TSNARE1: variants seen among roughly 807,000 people sequenced by gnomAD.
TSNARE1 encodes t-SNARE domain containing 1.
In TSNARE1, 49 loss-of-function variants were observed where a neutral mutation model predicts 62.0. The observed-to-expected ratio is 0.79, with a 90% CI of 0.63 to 1.00. The LOEUF (loss-of-function observed/expected upper bound fraction) is 1.00, where lower values mean the gene tolerates loss of function less well. Ranked by LOEUF, TSNARE1 falls within the 50% of genes least tolerant of loss-of-function variation. The pLI is 0.00. For synonymous variants in TSNARE1, 328 were observed against 294.4 expected (o/e 1.11, Z -1.17); for missense variants, 755 against 700.1 (o/e 1.08, Z -0.88).
At chr8:142,392,375 T>C (rs1837594907) in intron 1 of TSNARE1, among the ~76,000 whole-genome samples, 1 of 152,180 alleles carries the variant, frequency 6.6e-6, no homozygotes, top group East Asian at 1.9e-4. Flanking sequence ...ATAAAAAGTA[T>C]AGTATACACA....
At position 142,272,474 on chromosome 8, in the gene TSNARE1, G is replaced by A. The variant is rs963305256; in HGVS notation, c.1446+2307C>T. 7 of 109,986 alleles carry A rather than the reference G, an allele frequency of 6.4e-5. No homozygotes were observed. In the African/African-American group the frequency reaches 7.7e-4, roughly 12 times the overall value. The allele number at this position is 109,986 out of a possible 1,614,324, so 6.8% of individuals were successfully genotyped here. ...CCTCCTTCCATCCACCCATCCAACT[G>A]CCCGTCTACACCTTCCTTCTTCCAT... On this transcript the variant is annotated intron_variant, in intron 12 of 13. Transcript: ENST00000524325.
intron 1 of TSNARE1, among the ~76,000 whole-genome samples, chr8:142,354,998 C>G (rs536424820): frequency 3.9e-5 from 6 of 152,136 alleles, no homozygotes; most frequent in Middle Eastern, 3.4e-3. Flanking sequence ...AGAAACACAG[C>G]CTGAGGAAGG....
chr8:142,359,837 G>A (rs1835023109), intron 1 of TSNARE1, among the ~76,000 whole-genome samples: 1 of 152,234 alleles, frequency 6.6e-6, no homozygotes, highest in South Asian at 2.1e-4. Flanking sequence ...GAAGGCCTCA[G>A]ACACCCTGGC....
intron 10 of TSNARE1, among the ~76,000 whole-genome samples, chr8:142,285,302 G>A (rs1030572488): frequency 2.7e-5 from 4 of 150,756 alleles, no homozygotes; most frequent in South Asian, 2.1e-4. Context: ...ATGGGTAGGT[G>A]GATGGATGGA....
intron 13 of TSNARE1, among the ~76,000 whole-genome samples, chr8:142,217,430 C>G (rs57296186): frequency 0.1 from 15,646 of 149,790 alleles, 2,657 homozygotes; most frequent in African/African-American, 0.35. Flanking sequence ...GCTGACCCCA[C>G]AAGAGGCTTG....
chr8:142,242,740 T>A (rs1817720340), intron 12 of TSNARE1, among the ~76,000 whole-genome samples: 2 of 152,106 alleles, frequency 1.3e-5, no homozygotes, highest in Admixed American at 1.3e-4. Context: ...GGCGGGTGGA[T>A]CACCTGAGGT....
At chr8:142,315,162 C>T in intron 7 of TSNARE1, 70 bp from the exon 8 acceptor site, 1 of 1,500,088 alleles carries the variant, frequency 6.7e-7, no homozygotes. Context: ...ACCACCCACA[C>T]CTCCTCCCGT....
chr8:142,314,726 C>T (rs1828254555), intron 8 of TSNARE1, among the ~76,000 whole-genome samples: 1 of 152,248 alleles, frequency 6.6e-6, no homozygotes. Context: ...GCCCCAGTTT[C>T]CTCACCTGTC....
At chr8:142,247,364 A>G (rs2130247177) in intron 12 of TSNARE1, among the ~76,000 whole-genome samples, 1 of 152,308 alleles carries the variant, frequency 6.6e-6, no homozygotes, top group Non-Finnish European at 1.5e-5. Flanking sequence ...TTCAGATGTA[A>G]TGTTGTCTGT....
intron 10 of TSNARE1, 76 bp downstream of exon 10, chr8:142,300,410 T>C (rs1478855465): frequency 1.3e-6 from 2 of 1,498,834 alleles, no homozygotes; most frequent in African/African-American, 2.8e-5. Flanking sequence ...TGCAGCAGGC[T>C]GGCACCTGGG....
At chr8:142,272,704 T>A (rs1479932439) in intron 12 of TSNARE1, 28 of 949,692 alleles carry the variant, frequency 2.9e-5, no homozygotes, top group Non-Finnish European at 2.9e-5. Context: ...CACAGAGGCC[T>A]CATCCCTCCT....
At chr8:142,330,841 C>T in intron 6 of TSNARE1, 60 bp downstream of exon 6, 1 of 1,567,832 alleles carries the variant, frequency 6.4e-7, no homozygotes, top group South Asian at 1.1e-5. Flanking sequence ...CACACTCCCG[C>T]CCCTGCCCCC....
intron 12 of TSNARE1, among the ~76,000 whole-genome samples, chr8:142,254,639 G>T (rs1268254526): frequency 2.0e-5 from 3 of 152,146 alleles, no homozygotes; most frequent in Non-Finnish European, 4.4e-5. Context: ...GCTGGCTGTG[G>T]GAGAGGTGTT....
chr8:142,369,541 A>C (rs993358312), intron 1 of TSNARE1, among the ~76,000 whole-genome samples: 1 of 152,240 alleles, frequency 6.6e-6, no homozygotes, highest in Non-Finnish European at 1.5e-5. Context: ...CAGAACCATC[A>C]AGGAATTTAA....
chr8:142,280,075 C>T (rs1375888677), intron 11 of TSNARE1: 13 of 1,217,616 alleles, frequency 1.1e-5, no homozygotes, highest in East Asian at 1.6e-4. Context: ...CTGCAGGATG[C>T]GGCTCCACAC....
rs1825553751 is a variant in TSNARE1, at chr8:142,300,586, T to A, written c.1190A>T (p.Asp397Val). 6.2e-7 allele frequency: 1 copy of A among 1,613,550 alleles called. No homozygotes were observed. Among genetic ancestry groups the A allele is most frequent in the African/African-American group, 1.3e-5 (1 of 74,928 alleles). The change falls in exon 10 of 14, where the codon GAC (aspartate) becomes GTC (valine). Residue 397 changes from aspartate to valine, a missense_variant. Asp to Val is a radical substitution (Grantham distance 152). Transcript: ENST00000524325. ...ADDEKVFNGS[D>V]NMWQGQEQAL... Reference sequence around the variant, plus strand: ...CTGCTCCTGGCCCTGCCACATGTTGTCACTCCCGTTAAAGACCTTCTCATC... The same window carrying A: ...CTGCTCCTGGCCCTGCCACATGTTGACACTCCCGTTAAAGACCTTCTCATC...
chr8:142,265,308 G>GTAACATCCATC (rs1819078891), intron 12 of TSNARE1, among the ~76,000 whole-genome samples: 1 of 152,160 alleles, frequency 6.6e-6, no homozygotes, highest in Non-Finnish European at 1.5e-5. Flanking sequence ...CTCCATCCCT[G>GTAACATCCATC]TGATCTCGCC....
At chr8:142,312,398 G>T (rs541591981) in intron 9 of TSNARE1, among the ~76,000 whole-genome samples, 4 of 152,192 alleles carry the variant, frequency 2.6e-5, no homozygotes, top group Non-Finnish European at 5.9e-5. Context: ...AAATTGCAGA[G>T]ATTCTAGATG....
chr8:142,315,930 G>A (rs755168024), intron 7 of TSNARE1, among the ~76,000 whole-genome samples: 53 of 152,212 alleles, frequency 3.5e-4, no homozygotes, highest in Non-Finnish European at 4.7e-4. Context: ...AGTCAAAGAC[G>A]TGGTAGGCAC....
Sources: gnomAD v4.1 joint callset for allele counts (sites outside exome capture counted in the v4.1 genomes callset) on GRCh38, gnomAD v4.1.1 for gene constraint, MANE v1.5 for transcripts, NCBI Gene and HGNC (gene_info 2026-07-23, HGNC 2026-07-21) for gene names.